The following GALNTL6 variants were observed in gnomAD, a reference collection of about 807,000 sequenced individuals.
GALNTL6 encodes polypeptide N-acetylgalactosaminyltransferase like 6.
In GALNTL6, 46 loss-of-function variants were observed where a neutral mutation model predicts 73.7. The observed-to-expected ratio is 0.62, with a 90% CI of 0.49 to 0.80. The LOEUF (loss-of-function observed/expected upper bound fraction) is 0.80. Ranked by LOEUF, GALNTL6 falls within the 30% of genes least tolerant of loss-of-function variation. The pLI is 0.00. For missense variants in GALNTL6, 604 were observed against 755.0 expected, an observed-to-expected ratio of 0.80 and a Z score of 2.34; for synonymous variants, 259 against 263.7, an observed-to-expected ratio of 0.98 and a Z score of 0.17.
intron 5 of GALNTL6, among the ~76,000 whole-genome samples, chr4:172,759,303 C>A (rs1040945760): frequency 3.3e-5 from 5 of 152,200 alleles, no homozygotes; most frequent in African/African-American, 1.2e-4. Flanking sequence ...GGATGAAATT[C>A]TCTGCCCTTT....
chr4:171,869,160 T>G (rs1736064034), intron 2 of GALNTL6, among the ~76,000 whole-genome samples: 1 of 152,176 alleles, frequency 6.6e-6, no homozygotes, highest in Non-Finnish European at 1.5e-5. Context: ...CAGGACTATG[T>G]TTTTATAATT....
intron 5 of GALNTL6, among the ~76,000 whole-genome samples, chr4:172,388,786 A>T (rs1743561412): frequency 6.6e-6 from 1 of 152,064 alleles, no homozygotes; most frequent in Non-Finnish European, 1.5e-5. Context: ...AGGATATCTA[A>T]TTTTATGCAC....
At chr4:172,426,517 C>G (rs533168658) in intron 5 of GALNTL6, among the ~76,000 whole-genome samples, 1 of 152,046 alleles carries the variant, frequency 6.6e-6, no homozygotes, top group African/African-American at 2.4e-5. Context: ...AAATGCCATT[C>G]CATTATTATG....
intron 3 of GALNTL6, among the ~76,000 whole-genome samples, chr4:172,285,125 T>C (rs1056522876): frequency 6.6e-6 from 1 of 152,218 alleles, no homozygotes; most frequent in African/African-American, 2.4e-5. Context: ...ATGAGTGTTT[T>C]GTAGTTCTCT....
chr4:172,941,834 C>T lies in GALNTL6; in HGVS notation c.1150-10203C>T, dbSNP rs561084385. 7.5e-4 allele frequency among the ~76,000 whole-genome samples: 114 copies of T among 152,348 alleles called. 1 individual carries two copies. Among genetic ancestry groups the T allele is most frequent in the African/African-American group, 2.3e-3 (97 of 41,582 alleles). ...ACTGTCTTCCAGGACCCCAATCCCA[C>T]GTCTAAGCCATGGGAGCACCTGGAT... On this transcript the variant is annotated intron_variant, in intron 9 of 12. Transcript: ENST00000506823.
chr4:172,885,959 C>T lies in GALNTL6; in HGVS notation c.1041+3052C>T, dbSNP rs191978072. Among the ~76,000 whole-genome samples the T allele has an allele frequency of 2.0e-3, 309 of 151,976 alleles. 1 individual carries two copies. The highest frequency in any genetic ancestry group is 6.7e-3 in the African/African-American group (276 of 41,490). On this transcript the variant is annotated intron_variant, in intron 8 of 12. Transcript: ENST00000506823. ...AATGTCTTATTGAATTATGTTTTGT[C>T]GAGGGTTTTTACATCTATGTTTATG...
chr4:172,788,019 G>T (rs1196338281), intron 5 of GALNTL6, among the ~76,000 whole-genome samples: 2 of 152,122 alleles, frequency 1.3e-5, no homozygotes, highest in Non-Finnish European at 2.9e-5. Context: ...AGTTTATCTG[G>T]TGTAGAGGAG....
chr4:171,950,273 A>C (rs975397601), intron 2 of GALNTL6, among the ~76,000 whole-genome samples: 1 of 152,198 alleles, frequency 6.6e-6, no homozygotes, highest in African/African-American at 2.4e-5. Flanking sequence ...AAATTCACTC[A>C]AAAATGATAA....
chr4:171,883,740 C>T (rs536001699), intron 2 of GALNTL6, among the ~76,000 whole-genome samples: 32 of 151,910 alleles, frequency 2.1e-4, no homozygotes, highest in South Asian at 8.3e-4. Context: ...CTCCGCCTCC[C>T]GGGTTCACGC....
intron 5 of GALNTL6, among the ~76,000 whole-genome samples, chr4:172,483,745 G>A (rs954252346): frequency 5.9e-5 from 9 of 152,154 alleles, no homozygotes; most frequent in Admixed American, 3.3e-4. Context: ...AAGATACAAG[G>A]GGGAGAGTCA....
chr4:172,036,398 A>C (rs1741930678), intron 2 of GALNTL6, among the ~76,000 whole-genome samples: 1 of 152,156 alleles, frequency 6.6e-6, no homozygotes, highest in East Asian at 1.9e-4. Context: ...AATACATTGA[A>C]TAAATTATAT....
At chr4:172,027,264 T>C (rs528073944) in intron 2 of GALNTL6, among the ~76,000 whole-genome samples, 2 of 152,308 alleles carry the variant, frequency 1.3e-5, no homozygotes, top group East Asian at 1.9e-4. Context: ...TGCAACCCTG[T>C]GTGGAGCAAG....
At chr4:173,035,743 C>A (rs922570486) in intron 12 of GALNTL6, among the ~76,000 whole-genome samples, 1 of 152,204 alleles carries the variant, frequency 6.6e-6, no homozygotes, top group African/African-American at 2.4e-5. Flanking sequence ...TAAATCCTTT[C>A]GGTTAAAATG....
chr4:172,994,744 T>G (rs569671240), intron 10 of GALNTL6, among the ~76,000 whole-genome samples: 6 of 152,240 alleles, frequency 3.9e-5, no homozygotes, highest in African/African-American at 1.4e-4. Context: ...AAGAATGGGC[T>G]CAAGAGAATC....
intron 5 of GALNTL6, among the ~76,000 whole-genome samples, chr4:172,726,308 A>G (rs1188616596): frequency 1.3e-5 from 2 of 152,210 alleles, no homozygotes; most frequent in Non-Finnish European, 2.9e-5. Flanking sequence ...TGCAGGTAAT[A>G]AACTTCTGCC....
intron 2 of GALNTL6, among the ~76,000 whole-genome samples, chr4:172,179,595 AT>A (rs1244282102): frequency 7.0e-6 from 1 of 143,078 alleles, no homozygotes; most frequent in African/African-American, 2.8e-5. Context: ...ATTTTCTCCC[AT>A]TTTGTAGGTT....
At chr4:172,935,028 G>C (rs372465876) in intron 9 of GALNTL6, among the ~76,000 whole-genome samples, 1 of 152,188 alleles carries the variant, frequency 6.6e-6, no homozygotes, top group South Asian at 2.1e-4. Flanking sequence ...ACAGGTGGCT[G>C]TAACAGCAGG....
intron 5 of GALNTL6, among the ~76,000 whole-genome samples, chr4:172,686,403 T>TC (rs1280622411): frequency 1.3e-5 from 2 of 152,140 alleles, no homozygotes; most frequent in Non-Finnish European, 2.9e-5. Flanking sequence ...GAAGCCTGGC[T>TC]CTGGTGTTCA....
chr4:172,411,525 T>C (rs1214739977), intron 5 of GALNTL6, among the ~76,000 whole-genome samples: 2 of 152,038 alleles, frequency 1.3e-5, no homozygotes. Flanking sequence ...AGTGAAATTG[T>C]CTTTTCACAT....
Sources: gnomAD v4.1 joint callset for allele counts (sites outside exome capture counted in the v4.1 genomes callset) on GRCh38, gnomAD v4.1.1 for gene constraint, MANE v1.5 for transcripts, NCBI Gene and HGNC (gene_info 2026-07-23, HGNC 2026-07-21) for gene names.